The following HDAC9 variants were observed in gnomAD, a reference collection of about 807,000 sequenced individuals.
HDAC9 encodes MEF-2 interacting transcription repressor (MITR) protein.
A neutral mutation model predicts 139.4 loss-of-function variants in HDAC9; 41 were observed. The ratio of observed to expected loss-of-function variants is 0.29; its 90% CI spans 0.23 to 0.38. HDAC9 has a LOEUF of 0.38. Among genes scored for constraint, HDAC9 ranks in the 10% least tolerant of loss-of-function variants. The pLI is 1.00. For missense variants in HDAC9, 1,147 were observed against 1,297.0 expected, an observed-to-expected ratio of 0.88 and a Z score of 1.78; for synonymous variants, 517 against 476.2, an observed-to-expected ratio of 1.09 and a Z score of -1.12.
At chr7:18,383,761 C>T (rs1785654142) in intron 1 of HDAC9, among the ~76,000 whole-genome samples, 1 of 150,476 alleles carries the variant, frequency 6.6e-6, no homozygotes, top group Admixed American at 6.6e-5. Flanking sequence ...TGGTGGCGGG[C>T]GTCTGCAGTC....
chr7:18,276,753 T>C (rs1796750857), intron 2 of HDAC9, among the ~76,000 whole-genome samples: 1 of 152,228 alleles, frequency 6.6e-6, no homozygotes, highest in African/African-American at 2.4e-5. Flanking sequence ...TTTGCCTTTC[T>C]TCGTGAGCCA....
chr7:18,773,016 T>C (rs1026898132), intron 16 of HDAC9, among the ~76,000 whole-genome samples: 1 of 152,064 alleles, frequency 6.6e-6, no homozygotes, highest in Non-Finnish European at 1.5e-5. Context: ...ACTCTGTGTA[T>C]GGGACAAAAT....
chr7:18,949,291 T>C, intron 23 of HDAC9: 1 of 207,062 alleles, frequency 4.8e-6, no homozygotes, highest in Non-Finnish European at 9.7e-6. Context: ...CAGCAAGTTT[T>C]TACTTTTTTT....
intron 2 of HDAC9, among the ~76,000 whole-genome samples, chr7:18,566,540 G>C (rs1178621896): frequency 6.6e-6 from 1 of 152,152 alleles, no homozygotes; most frequent in Non-Finnish European, 1.5e-5. Flanking sequence ...TTTTAGGTGG[G>C]GAGGGAATAG....
At chr7:18,319,243 G>A (rs1370702147) in intron 1 of HDAC9, among the ~76,000 whole-genome samples, 1 of 151,974 alleles carries the variant, frequency 6.6e-6, no homozygotes, top group African/African-American at 2.4e-5. Flanking sequence ...ATTTGTTTGG[G>A]GTTCAGTAAA....
intron 1 of HDAC9, among the ~76,000 whole-genome samples, chr7:18,370,141 G>A (rs1049980701): frequency 2.2e-4 from 34 of 152,180 alleles, no homozygotes; most frequent in Admixed American, 8.5e-4. Context: ...AAATTTATTC[G>A]TGCAAACCAT....
chr7:18,594,966 G>C (rs1310189589), intron 6 of HDAC9, among the ~76,000 whole-genome samples: 1 of 152,024 alleles, frequency 6.6e-6, no homozygotes, highest in East Asian at 1.9e-4. Context: ...AATCTGCAGA[G>C]TGAAAATGAT....
intron 1 of HDAC9, among the ~76,000 whole-genome samples, chr7:18,368,627 C>G (rs536713308): frequency 6.6e-6 from 1 of 152,016 alleles, no homozygotes; most frequent in South Asian, 2.1e-4. Flanking sequence ...TATACCTTTT[C>G]CCATCTGCCC....
At chr7:18,215,064 T>C (rs1367170113) in intron 2 of HDAC9, among the ~76,000 whole-genome samples, 1 of 152,178 alleles carries the variant, frequency 6.6e-6, no homozygotes, top group Non-Finnish European at 1.5e-5. Flanking sequence ...GTGTTATTTG[T>C]TGTTTCTTGG....
At chr7:18,120,015 A>G (rs1177479333) in intron 1 of HDAC9, among the ~76,000 whole-genome samples, 1 of 152,188 alleles carries the variant, frequency 6.6e-6, no homozygotes, top group Non-Finnish European at 1.5e-5. Context: ...TTGAAATGTG[A>G]ATTATATCAC....
chr7:18,449,284 G>A (rs1465625853), intron 1 of HDAC9, among the ~76,000 whole-genome samples: 1 of 152,114 alleles, frequency 6.6e-6, no homozygotes, highest in Admixed American at 6.6e-5. Flanking sequence ...ACACCATACA[G>A]CAATGAAAAA....
chr7:18,616,554 T>C (rs915565526), intron 6 of HDAC9, among the ~76,000 whole-genome samples: 1 of 152,164 alleles, frequency 6.6e-6, no homozygotes, highest in Non-Finnish European at 1.5e-5. Flanking sequence ...ATATATATTA[T>C]AAAGAGAATG....
intron 11 of HDAC9, among the ~76,000 whole-genome samples, chr7:18,654,755 C>T (rs545834575): frequency 3.3e-5 from 5 of 152,124 alleles, no homozygotes; most frequent in South Asian, 4.2e-4. Flanking sequence ...TCTTTTGCAC[C>T]GGTTTAGATT....
At chr7:18,599,603 C>A (rs1833410214) in intron 6 of HDAC9, among the ~76,000 whole-genome samples, 1 of 152,154 alleles carries the variant, frequency 6.6e-6, no homozygotes, top group African/African-American at 2.4e-5. Context: ...ATTTAAGATT[C>A]TTCCATGTAT....
chr7:18,552,253 G>T (rs766781098), intron 2 of HDAC9, among the ~76,000 whole-genome samples: 1 of 152,104 alleles, frequency 6.6e-6, no homozygotes, highest in Non-Finnish European at 1.5e-5. Context: ...TGCAAATTAT[G>T]ATCTTGAAAA....
chr7:18,477,318 C>CATTAA, intron 1 of HDAC9, among the ~76,000 whole-genome samples: 1 of 152,236 alleles, frequency 6.6e-6, no homozygotes, highest in South Asian at 2.1e-4. Flanking sequence ...ACTTGGTCCC[C>CATTAA]ACTAAGTCAC....
rs188525939 is a variant in HDAC9 at position 18,643,133 on chromosome 7, A to G, written c.913-1538A>G. Among the ~76,000 whole-genome samples the G allele has an allele frequency of 2.0e-5, 3 of 152,248 alleles. No individual in the cohort carries two copies. In the East Asian group the frequency reaches 5.8e-4, roughly 29 times the overall value. The stretch of plus-strand genomic sequence containing the variant: ...CCTTTTGTTCTTGTACAGGTATTCT[A>G]TACTTACAATTTTCGTGAAAAGCTT... On this transcript the variant is annotated intron_variant, in intron 8 of 25. Transcript: ENST00000686413.
At chr7:18,359,451 A>G (rs1306684770) in intron 1 of HDAC9, among the ~76,000 whole-genome samples, 10 of 152,188 alleles carry the variant, frequency 6.6e-5, no homozygotes, top group Admixed American at 6.5e-4. Flanking sequence ...CTTTTCTTCC[A>G]CTAACCTGCT....
At chr7:18,296,189 G>C (rs904142060) in intron 1 of HDAC9, among the ~76,000 whole-genome samples, 1 of 152,104 alleles carries the variant, frequency 6.6e-6, no homozygotes, top group African/African-American at 2.4e-5. Flanking sequence ...TATTTATGTG[G>C]TTAAAAATAG....
Sources: gnomAD v4.1 joint callset for allele counts (sites outside exome capture counted in the v4.1 genomes callset) on GRCh38, gnomAD v4.1.1 for gene constraint, MANE v1.5 for transcripts, NCBI Gene and HGNC (gene_info 2026-07-23, HGNC 2026-07-21) for gene names.